The following ALK variants were observed in gnomAD, a reference collection of about 807,000 sequenced individuals.
The protein encoded by ALK is ALK tyrosine kinase receptor.
In ALK, 74 loss-of-function variants were observed where a neutral mutation model predicts 163.1. That is an observed-to-expected ratio of 0.45 (90% CI 0.38 to 0.55). ALK has a LOEUF of 0.55. Ranked by LOEUF, ALK falls within the 20% of genes least tolerant of loss-of-function variation. The pLI is 0.00. For missense variants in ALK, 2,063 were observed against 2,105.3 expected (o/e 0.98, Z 0.39); for synonymous variants, 960 against 843.2 (o/e 1.14, Z -2.40).
intron 3 of ALK, among the ~76,000 whole-genome samples, chr2:29,625,141 T>C (rs539048237): frequency 6.6e-6 from 1 of 152,314 alleles, no homozygotes; most frequent in African/African-American, 2.4e-5. Context: ...TCTGTAGCTA[T>C]CCATTATGTT....
intron 1 of ALK, among the ~76,000 whole-genome samples, chr2:29,909,612 A>G (rs2148436694): frequency 6.6e-6 from 1 of 152,366 alleles, no homozygotes; most frequent in African/African-American, 2.4e-5. Flanking sequence ...GACTAAGCAA[A>G]GAGCAGCTAC....
chr2:29,813,726 C>G (rs182870963), intron 1 of ALK, among the ~76,000 whole-genome samples: 3 of 152,134 alleles, frequency 2.0e-5, no homozygotes, highest in African/African-American at 7.2e-5. Flanking sequence ...CCACATCTGC[C>G]GACTCCAAGT....
At chr2:29,688,438 G>A (rs1488874194) in intron 3 of ALK, among the ~76,000 whole-genome samples, 1 of 152,116 alleles carries the variant, frequency 6.6e-6, no homozygotes, top group African/African-American at 2.4e-5. Context: ...ATACAGTTAG[G>A]CACACAAAAG....
intron 4 of ALK, among the ~76,000 whole-genome samples, chr2:29,472,793 A>T (rs768526936): frequency 2.7e-4 from 41 of 152,328 alleles, no homozygotes; most frequent in Middle Eastern, 3.4e-3. Flanking sequence ...GTCACAAAAG[A>T]GTAAGTTTAA....
intron 5 of ALK, among the ~76,000 whole-genome samples, chr2:29,380,458 G>T (rs894443208): frequency 2.1e-4 from 32 of 149,956 alleles, no homozygotes; most frequent in Admixed American, 1.5e-3. Context: ...CACTCTTGTT[G>T]CCCAGGCTGG....
intron 1 of ALK, among the ~76,000 whole-genome samples, chr2:29,756,345 G>A (rs1276266387): frequency 6.6e-6 from 1 of 152,160 alleles, no homozygotes; most frequent in Non-Finnish European, 1.5e-5. Flanking sequence ...CTAAGTATCT[G>A]TGTCATATCT....
chr2:29,718,926 T>G (rs138203245), intron 1 of ALK, among the ~76,000 whole-genome samples: 27 of 152,348 alleles, frequency 1.8e-4, no homozygotes, highest in African/African-American at 6.0e-4. Flanking sequence ...TTTCCCAGTC[T>G]GCCTGCTCTG....
At chr2:29,748,789 AGGCTGGAATGCAGT>A (rs984768876) in intron 1 of ALK, among the ~76,000 whole-genome samples, 5 of 152,060 alleles carry the variant, frequency 3.3e-5, no homozygotes, top group African/African-American at 1.2e-4. Context: ...TCTGTCACCC[AGGCTGGAATGCAGT>A]GGCACGATCA....
chr2:29,464,511 G>A (rs1255191867), intron 4 of ALK, among the ~76,000 whole-genome samples: 2 of 152,124 alleles, frequency 1.3e-5, no homozygotes, highest in South Asian at 2.1e-4. Flanking sequence ...AGAAGCCTGT[G>A]TGTGCCTTCA....
intron 3 of ALK, among the ~76,000 whole-genome samples, chr2:29,564,181 T>C (rs996268791): frequency 6.6e-6 from 1 of 152,172 alleles, no homozygotes; most frequent in African/African-American, 2.4e-5. Context: ...AGCTTTGGAC[T>C]CAGCTACATG....
Position 29,717,585 on chromosome 2 carries a change from G to T in ALK, c.780C>A (p.Ser260Arg), listed in dbSNP as rs1233157268. The part of the protein sequence containing the change: ...KDSFPFLSHR[S>R]RYGLECSFDF... ...TATTAAACATATACTTACCATATCG[G>T]CTGCGATGAGACAGGAAAGGGAAGG... The change falls in exon 2 of 29, where the codon AGC (serine) becomes AGA (arginine). Residue 260 changes from serine (S) to arginine (R), a missense_variant. This residue lies in a region of ALK where 987 missense variants were observed against 939.5 expected (regional missense o/e 1.05). Coordinates refer to ENST00000389048, the MANE Select transcript of ALK (RefSeq NM_004304.5). 1.2e-6 allele frequency: 2 copies of T among 1,613,960 alleles called. No homozygotes were observed. Among genetic ancestry groups the T allele is most frequent in the East Asian group, 2.2e-5 (1 of 44,878 alleles).
intron 4 of ALK, 50 bp downstream of exon 4, chr2:29,531,865 A>G (rs369757812): frequency 3.1e-6 from 5 of 1,598,244 alleles, no homozygotes; most frequent in Non-Finnish European, 4.3e-6. Flanking sequence ...TGTAACCAAA[A>G]GCCAAATCAC....
intron 1 of ALK, among the ~76,000 whole-genome samples, chr2:29,913,624 T>C (rs966439456): frequency 6.6e-6 from 1 of 152,236 alleles, no homozygotes; most frequent in African/African-American, 2.4e-5. Flanking sequence ...ATGATGTTCA[T>C]GTGCATCTTT....
At chr2:29,524,969 G>C (rs1161947921) in intron 4 of ALK, among the ~76,000 whole-genome samples, 1 of 152,190 alleles carries the variant, frequency 6.6e-6, no homozygotes, top group Non-Finnish European at 1.5e-5. Context: ...TGAATGGATG[G>C]ATGGATGGTT....
At chr2:29,215,775 C>T (rs1353910303) in intron 23 of ALK, among the ~76,000 whole-genome samples, 2 of 152,220 alleles carry the variant, frequency 1.3e-5, no homozygotes, top group African/African-American at 4.8e-5. Flanking sequence ...AAACACCACA[C>T]TTCAGTGGCC....
chr2:29,600,090 C>A (rs1675341275), intron 3 of ALK, among the ~76,000 whole-genome samples: 1 of 152,148 alleles, frequency 6.6e-6, no homozygotes, highest in African/African-American at 2.4e-5. Flanking sequence ...GTGGGGCAGA[C>A]CAGTGGCCAG....
Position 29,921,217 on chromosome 2 carries a change from C to T in ALK, c.-558G>A. On this transcript the variant is annotated 5_prime_UTR_variant, in exon 1 of 29. Coordinates refer to ENST00000389048, the MANE Select transcript of ALK (RefSeq NM_004304.5). ...GGGAACCGAGGGCGGAGGCTGCCGT[C>T]TTGCGCACCCTCAAGCTATCTCTCC... 1 of 234,440 alleles carries T rather than the reference C, an allele frequency of 4.3e-6. No homozygotes were observed. The highest frequency in any genetic ancestry group is 6.0e-5 in the East Asian group (1 of 16,598). 14.5% of individuals were successfully genotyped at this position (234,440 alleles called of 1,614,324 possible). A position where few individuals can be genotyped will look rare whatever the true frequency, so the allele number is the denominator to read the frequency against.
intron 3 of ALK, among the ~76,000 whole-genome samples, chr2:29,612,319 G>A (rs547382833): frequency 3.6e-4 from 55 of 152,292 alleles, no homozygotes; most frequent in African/African-American, 1.3e-3. Context: ...TTTTAGCTGT[G>A]TGTGTTGTTT....
intron 4 of ALK, among the ~76,000 whole-genome samples, chr2:29,409,101 C>T (rs981645875): frequency 3.9e-5 from 6 of 152,068 alleles, no homozygotes; most frequent in East Asian, 1.9e-4. Context: ...GTAATGTAAG[C>T]GAAGGAGAGA....
Sources: gnomAD v4.1 joint callset for allele counts (sites outside exome capture counted in the v4.1 genomes callset) on GRCh38, gnomAD v4.1.1 for gene constraint, gnomAD v4.1.1 regional missense constraint, MANE v1.5 for transcripts, NCBI Gene and HGNC (gene_info 2026-07-23, HGNC 2026-07-21) for gene names.